Variants in ADSS2 observed in about 807,000 individuals in gnomAD.
ADSS2 encodes adenylosuccinate synthetase isozyme 2.
A neutral mutation model predicts 60.0 loss-of-function variants in ADSS2; 30 were observed. That is an observed-to-expected ratio of 0.50 (90% confidence interval 0.37 to 0.68). The LOEUF is 0.68. ADSS2 is among the 30% of genes least tolerant of loss of function. The pLI is 0.00. For missense variants in ADSS2, 373 were observed against 554.8 expected, an observed-to-expected ratio of 0.67 and a Z score of 3.29; for synonymous variants, 187 against 193.1, an observed-to-expected ratio of 0.97 and a Z score of 0.26.
Position 244,409,587 on chromosome 1 carries a change from T to C in ADSS2, c.1370A>G (p.Ter457=). 3.7e-6 allele frequency: 6 copies of C among 1,607,216 alleles called. No individual in the cohort carries two copies. The South Asian group carries it at 6.6e-5, about 18-fold the overall frequency. The change falls in exon 13 of 13, where the codon TAA becomes TGA. Residue 457 remains the stop codon, a stop_retained_variant. Transcript: ENST00000366535. ...KSRESMIQLF[*] ...TGTTTCTTGCATTACTGGCAATCAT[T>C]AAAAGAGTTGAATCATAGATTCTCT...
chr1:244,423,850 C>G, intron 6 of ADSS2, 103 bp downstream of exon 6: 1 of 791,466 alleles, frequency 1.3e-6, no homozygotes. Flanking sequence ...AGCCAACCAC[C>G]ACTATTTAAC....
chr1:244,451,619 G>T lies in ADSS2; in HGVS notation c.183+16C>A. The T allele has an allele frequency of 4.4e-6, 7 of 1,599,562 alleles. No homozygotes were observed. The highest frequency in any genetic ancestry group is 6.0e-6 in the Non-Finnish European group (7 of 1,172,204). On this transcript the variant is annotated intron_variant, in intron 1 of 12. Transcript: ENST00000366535. The surrounding 1 kb of genome is among the most constrained non-coding windows in gnomAD (Gnocchi z 6.6). ...CTCCCGGGCCCGGCTTCCCATGAGA[G>T]GCCCCGTCGCCTCACCTGGCAGCGG... is the stretch of plus-strand genomic sequence containing the variant.
intron 11 of ADSS2, among the ~76,000 whole-genome samples, chr1:244,415,330 A>C (rs991075735): frequency 2.0e-5 from 3 of 152,212 alleles, no homozygotes; most frequent in African/African-American, 7.2e-5. Flanking sequence ...ATACTTTTTT[A>C]TAAGATATCT....
rs1553309529 is a variant in ADSS2, at chr1:244,451,194, C to CA, written c.183+440_183+441insT. On this transcript the variant is annotated intron_variant, in intron 1 of 12. Transcript: ENST00000366535. The surrounding 1 kb of genome is among the most constrained non-coding windows in gnomAD (Gnocchi z 6.6). ...TCCCACTCCGCCGCCCTGGGCGGGG[C>CA]GGGGGGGCGGTGATGGGGGGTTCTG... 6.6e-6 allele frequency among the ~76,000 whole-genome samples: 1 copy of CA among 151,988 alleles called. No individual in the cohort carries two copies. Among genetic ancestry groups the CA allele is most frequent in the Non-Finnish European group, 1.5e-5 (1 of 67,952 alleles).
chr1:244,427,414 C>T (rs1252157685), intron 4 of ADSS2, among the ~76,000 whole-genome samples: 3 of 151,832 alleles, frequency 2.0e-5, no homozygotes, highest in African/African-American at 4.8e-5. Flanking sequence ...GAAAAGAAAG[C>T]AGGAAAAGAA....
At position 244,451,868 on chromosome 1, in the gene ADSS2, G is replaced by C; in HGVS notation, c.-51C>G. The C allele has an allele frequency of 6.7e-7, 1 of 1,489,362 alleles. No individual in the cohort carries two copies. Among genetic ancestry groups the C allele is most frequent in the Non-Finnish European group, 8.9e-7 (1 of 1,119,476 alleles). The allele number at this position is 1,489,362 out of a possible 1,614,324, so 92.3% of individuals were successfully genotyped here. A position where few individuals can be genotyped will look rare whatever the true frequency, so the allele number is the denominator to read the frequency against. ...GAAGGAGAGGCGGCCGGCGAGGAGT[G>C]AGCGAACTGAACTGCTCTGCGGCCG... On this transcript the variant is annotated 5_prime_UTR_variant, in exon 1 of 13. Transcript: ENST00000366535. The surrounding 1 kb of genome is among the most constrained non-coding windows in gnomAD (Gnocchi z 6.6).
At chr1:244,424,495 T>C in intron 4 of ADSS2, 108 bp from the exon 5 acceptor site, 1 of 813,902 alleles carries the variant, frequency 1.2e-6, no homozygotes, top group Non-Finnish European at 2.0e-6. Flanking sequence ...CTCATTTCAG[T>C]ATAATAAATT....
rs1665604682 is a variant in ADSS2, at chr1:244,451,570, G to A, written c.183+65C>T. 1 of 1,504,710 alleles carries A rather than the reference G, an allele frequency of 6.6e-7. No individual in the cohort carries two copies. Among genetic ancestry groups the A allele is most frequent in the South Asian group, 1.3e-5 (1 of 79,634 alleles). 93.2% of individuals were successfully genotyped at this position (1,504,710 alleles called of 1,614,324 possible). A position where few individuals can be genotyped will look rare whatever the true frequency, so the allele number is the denominator to read the frequency against. ...CCGGGTTCTGGGTCCGAGTTCCCGG[G>A]CACCAGGAGCCAGGCAGCCCGAGCT... On this transcript the variant is annotated intron_variant, in intron 1 of 12. Transcript: ENST00000366535. This position sits in a 1 kb window ranked among gnomAD's most constrained non-coding sequence, Gnocchi z 6.6.
At chr1:244,423,354 G>A (rs906712200) in intron 6 of ADSS2, among the ~76,000 whole-genome samples, 1 of 152,148 alleles carries the variant, frequency 6.6e-6, no homozygotes, top group Non-Finnish European at 1.5e-5. Context: ...AATGTTGAGT[G>A]GTTGATCGAA....
At chr1:244,437,569 GGTCA>G (rs1205550472) in intron 2 of ADSS2, 93 bp downstream of exon 2, 1 of 850,634 alleles carries the variant, frequency 1.2e-6, no homozygotes, top group Non-Finnish European at 2.0e-6. Context: ...TGAACCATCT[GGTCA>G]GTGAGAGATG....
At chr1:244,446,065 C>T (rs1248893098) in intron 1 of ADSS2, among the ~76,000 whole-genome samples, 2 of 152,172 alleles carry the variant, frequency 1.3e-5, no homozygotes, top group African/African-American at 2.4e-5. Flanking sequence ...AGATCCCATG[C>T]CCCTGAACTA....
chr1:244,425,393 ACT>A (rs1664780944), intron 4 of ADSS2, among the ~76,000 whole-genome samples: 2 of 152,176 alleles, frequency 1.3e-5, no homozygotes, highest in African/African-American at 4.8e-5. Context: ...TAATGATGTC[ACT>A]GTTTCCAAAT....
chr1:244,415,269 A>G (rs80269399), intron 11 of ADSS2, among the ~76,000 whole-genome samples: 10,591 of 152,276 alleles, frequency 0.07, 574 homozygotes, highest in Admixed American at 0.15. Context: ...GACATAACAT[A>G]TACTGGAACA....
intron 1 of ADSS2, among the ~76,000 whole-genome samples, 190 bp from the exon 2 acceptor site, chr1:244,437,958 T>G (rs1665143547): frequency 2.0e-5 from 3 of 152,196 alleles, no homozygotes; most frequent in Admixed American, 2.0e-4. Flanking sequence ...GTAGAATACT[T>G]GAGTGATTAT....
At chr1:244,432,107 G>C (rs1380354345) in intron 4 of ADSS2, among the ~76,000 whole-genome samples, 1 of 152,150 alleles carries the variant, frequency 6.6e-6, no homozygotes, top group East Asian at 1.9e-4. Flanking sequence ...CAAATTTATT[G>C]GTAGTGGTTG....
intron 9 of ADSS2, 49 bp downstream of exon 9, chr1:244,418,710 GA>G (rs1664594299): frequency 6.7e-7 from 1 of 1,485,378 alleles, no homozygotes; most frequent in South Asian, 1.4e-5. Flanking sequence ...AGAAAAAAAA[GA>G]AGAATGAATT....
rs1379860257 is a variant in ADSS2 at position 244,408,577 on chromosome 1, T to C, written c.*1009A>G. On this transcript the variant is annotated 3_prime_UTR_variant, in exon 13 of 13. Transcript: ENST00000366535. ...GTGGCACCTAATTTAACATTTAAAA[T>C]AGTTCATTAAAAGATAATCTACAAA... The C allele has an allele frequency of 6.6e-6, 1 of 152,560 alleles. No individual in the cohort carries two copies. Among genetic ancestry groups the C allele is most frequent in the African/African-American group, 2.4e-5 (1 of 41,430 alleles). 9.5% of individuals were successfully genotyped at this position (152,560 alleles called of 1,614,324 possible).
At chr1:244,433,067 T>A (rs1247078732) in intron 3 of ADSS2, among the ~76,000 whole-genome samples, 4 of 151,990 alleles carry the variant, frequency 2.6e-5, no homozygotes, top group African/African-American at 9.7e-5. Context: ...TAAAACCCCG[T>A]CTCTACTAAA....
intron 4 of ADSS2, among the ~76,000 whole-genome samples, chr1:244,430,708 C>T (rs913561573): frequency 6.6e-6 from 1 of 152,128 alleles, no homozygotes; most frequent in African/African-American, 2.4e-5. Flanking sequence ...ATAAAGATGA[C>T]TATTGGTAAC....
Sources: gnomAD v4.1 joint callset for allele counts (sites outside exome capture counted in the v4.1 genomes callset) on GRCh38, gnomAD v4.1.1 for gene constraint, Gnocchi (gnomAD v3.1) non-coding constraint, MANE v1.5 for transcripts, NCBI Gene and HGNC (gene_info 2026-07-23, HGNC 2026-07-21) for gene names.